Variants in FREM3 observed in about 807,000 individuals in gnomAD.
FREM3 encodes FRAS1-related extracellular matrix protein 3.
A neutral mutation model predicts 129.1 loss-of-function variants in FREM3; 105 were observed. That is an observed-to-expected ratio of 0.81 (90% CI 0.69 to 0.96). The LOEUF (loss-of-function observed/expected upper bound fraction) is 0.96, where lower values mean the gene tolerates loss of function less well. FREM3 is among the 40% of genes least tolerant of loss of function. The probability of loss-of-function intolerance (pLI) is 0.00; values close to 1 mark genes in which losing one functional copy is unlikely to be tolerated. For synonymous variants in FREM3, 1,014 were observed against 1,044.9 expected, an observed-to-expected ratio of 0.97 and a Z score of 0.57; for missense variants, 2,593 against 2,666.3, an observed-to-expected ratio of 0.97 and a Z score of 0.61.
At chr4:143,583,744 C>A (rs534846184) in intron 7 of FREM3, among the ~76,000 whole-genome samples, 1 of 152,118 alleles carries the variant, frequency 6.6e-6, no homozygotes, top group South Asian at 2.1e-4. Context: ...AGATCTTCAT[C>A]AGACAAGCAA....
In FREM3 at chr4:143,695,948, G is replaced by A. The variant is rs1362012982; in HGVS notation, c.4728C>T (p.Ile1576=). The part of the protein sequence containing the change: ...DTPDDLILFT[I]TQVPMHGKIL... ...TCTTGCCATGCATGGGGACCTGGGT[G>A]ATGGTAAAGAGAATAAGGTCATCTG... The change falls in exon 1 of 8, where the codon ATC becomes ATT. Residue 1576 remains isoleucine, a synonymous_variant. Transcript: ENST00000329798. 3 of 1,537,828 alleles carry A rather than the reference G, an allele frequency of 2.0e-6. No individual in the cohort carries two copies. The highest frequency in any genetic ancestry group is 3.9e-5 in the Admixed American group (2 of 51,000).
At chr4:143,658,753 T>C (rs1739644634) in intron 2 of FREM3, among the ~76,000 whole-genome samples, 1 of 152,248 alleles carries the variant, frequency 6.6e-6, no homozygotes, top group African/African-American at 2.4e-5. Flanking sequence ...GTGTATTTTA[T>C]GTGTGGCCCA....
At chr4:143,604,034 A>G (rs1238972266) in intron 6 of FREM3, among the ~76,000 whole-genome samples, 2 of 152,140 alleles carry the variant, frequency 1.3e-5, no homozygotes, top group Non-Finnish European at 2.9e-5. Flanking sequence ...TCTCTCATGA[A>G]CATCTTGGTG....
chr4:143,681,859 A>C (rs1222804434), intron 2 of FREM3, among the ~76,000 whole-genome samples: 2 of 152,222 alleles, frequency 1.3e-5, no homozygotes, highest in African/African-American at 4.8e-5. Context: ...TGATAGAGAC[A>C]ACAAGATGTG....
At chr4:143,607,919 C>T (rs1738693162) in intron 6 of FREM3, among the ~76,000 whole-genome samples, 2 of 152,194 alleles carry the variant, frequency 1.3e-5, no homozygotes, top group South Asian at 4.1e-4. Context: ...GGAAATCCAT[C>T]TCCTTGCCTT....
intron 2 of FREM3, among the ~76,000 whole-genome samples, chr4:143,637,425 T>C (rs2149845386): frequency 6.6e-6 from 1 of 152,298 alleles, no homozygotes; most frequent in African/African-American, 2.4e-5. Context: ...ATTTCAAAAA[T>C]GTGTCTTATT....
chr4:143,592,092 G>T (rs1409403978), intron 6 of FREM3, among the ~76,000 whole-genome samples: 1 of 152,058 alleles, frequency 6.6e-6, no homozygotes, highest in Non-Finnish European at 1.5e-5. Flanking sequence ...CCATTTGCTT[G>T]GTAGATCTTC....
chr4:143,635,682 C>T lies in FREM3; in HGVS notation c.5276-7922G>A, dbSNP rs112105728. 4.2e-3 allele frequency among the ~76,000 whole-genome samples: 635 copies of T among 152,314 alleles called. 8 individuals are homozygous for T. The highest frequency in any genetic ancestry group is 0.015 in the African/African-American group (603 of 41,584). On this transcript the variant is annotated intron_variant, in intron 2 of 7. Transcript: ENST00000329798. ...ACAAATCTTCATATATCTCACATGA[C>T]TGTGTTTTAGAAGAATGATAAAACA...
intron 1 of FREM3, 92 bp downstream of exon 1, chr4:143,695,399 A>T (rs1560875838): frequency 1.8e-6 from 2 of 1,087,702 alleles, no homozygotes; most frequent in Non-Finnish European, 2.5e-6. Context: ...CTTACTGCAA[A>T]TGGCTGAGAT....
chr4:143,608,253 G>A (rs1738699059), intron 6 of FREM3, among the ~76,000 whole-genome samples: 1 of 152,154 alleles, frequency 6.6e-6, no homozygotes, highest in Admixed American at 6.5e-5. Flanking sequence ...CAAAGGACTT[G>A]AATGTCTGCT....
At chr4:143,667,827 A>G (rs1360023711) in intron 2 of FREM3, among the ~76,000 whole-genome samples, 1 of 152,160 alleles carries the variant, frequency 6.6e-6, no homozygotes, top group East Asian at 1.9e-4. Flanking sequence ...AGGGAATTCA[A>G]TTTCCCTCTC....
At chr4:143,632,096 A>G (rs1475103965) in intron 2 of FREM3, among the ~76,000 whole-genome samples, 1 of 152,166 alleles carries the variant, frequency 6.6e-6, no homozygotes, top group African/African-American at 2.4e-5. Flanking sequence ...ATTGATGAAA[A>G]GTTACAATTA....
chr4:143,696,948 T>C lies in FREM3; in HGVS notation c.3728A>G (p.Gln1243Arg), dbSNP rs760982827. The C allele has an allele frequency of 7.8e-6, 12 of 1,537,606 alleles. No homozygotes were observed. The African/African-American group carries it at 1.1e-4, about 14-fold the overall frequency. ...TALPRHGRII[Q>R]QLATGSQPIH... ...GGGCTGGCTGCCTGTAGCCAGCTGC[T>C]GTATGATTCGTCCATGCCGAGGGAG... The change falls in exon 1 of 8, where the codon CAG becomes CGG. Residue 1243 changes from glutamine (Q) to arginine (R), a missense_variant. By Grantham distance (43) the Gln-to-Arg change is conservative. This residue lies in a region of FREM3 where 2,276 missense variants were observed against 2,267.2 expected (regional missense o/e 1.00). Transcript: ENST00000329798.
Position 143,577,529 on chromosome 4 carries a change from A to G in FREM3, c.*82T>C. 1 of 1,311,900 alleles carries G rather than the reference A, an allele frequency of 7.6e-7. No homozygotes were observed. The highest frequency in any genetic ancestry group is 1.5e-5 in the South Asian group (1 of 67,052). 81.3% of individuals were successfully genotyped at this position (1,311,900 alleles called of 1,614,324 possible). A position where few individuals can be genotyped will look rare whatever the true frequency, so the allele number is the denominator to read the frequency against. On this transcript the variant is annotated 3_prime_UTR_variant, in exon 8 of 8. Transcript: ENST00000329798. Reference sequence around the variant, plus strand: ...AGTACAATATCACTGATATCCCAGAATTGCTAAGATCTATAAACAGTAGAG... The same window carrying G: ...AGTACAATATCACTGATATCCCAGAGTTGCTAAGATCTATAAACAGTAGAG...
intron 7 of FREM3, among the ~76,000 whole-genome samples, chr4:143,582,035 C>T (rs968750574): frequency 2.6e-5 from 4 of 151,852 alleles, no homozygotes; most frequent in African/African-American, 7.2e-5. Flanking sequence ...CCCAGTGCCC[C>T]AAGCTTGGGC....
intron 6 of FREM3, among the ~76,000 whole-genome samples, chr4:143,589,002 G>A (rs2149834344): frequency 6.6e-6 from 1 of 152,168 alleles, no homozygotes; most frequent in Admixed American, 6.5e-5. Flanking sequence ...CAGTGATGAT[G>A]AGCATTTTTT....
intron 2 of FREM3, among the ~76,000 whole-genome samples, chr4:143,688,870 C>T (rs906145939): frequency 1.3e-5 from 2 of 152,044 alleles, no homozygotes; most frequent in Non-Finnish European, 2.9e-5. Context: ...TATACAAAAA[C>T]CAACTCAAGA....
At chr4:143,633,588 A>G (rs1006630792) in intron 2 of FREM3, among the ~76,000 whole-genome samples, 7 of 152,178 alleles carry the variant, frequency 4.6e-5, no homozygotes, top group African/African-American at 1.7e-4. Flanking sequence ...AGTGAAGGTG[A>G]AAATGATTAG....
chr4:143,666,838 A>G (rs1739871521), intron 2 of FREM3, among the ~76,000 whole-genome samples: 1 of 152,122 alleles, frequency 6.6e-6, no homozygotes, highest in African/African-American at 2.4e-5. Context: ...ATGCCACTGA[A>G]TTGTATACCT....
Sources: gnomAD v4.1 joint callset for allele counts (sites outside exome capture counted in the v4.1 genomes callset) on GRCh38, gnomAD v4.1.1 for gene constraint, gnomAD v4.1.1 regional missense constraint, MANE v1.5 for transcripts, NCBI Gene and HGNC (gene_info 2026-07-23, HGNC 2026-07-21) for gene names.